The following CREB5 variants were observed in gnomAD, a reference collection of about 807,000 sequenced individuals.
CREB5 encodes cyclic AMP-responsive element-binding protein 5.
Under a neutral mutation model 57.1 loss-of-function variants are expected in CREB5, and 19 were observed. That is an observed-to-expected ratio of 0.33 (90% CI 0.23 to 0.49). CREB5 has a LOEUF of 0.49. CREB5 is among the 20% of genes least tolerant of loss of function. The probability of loss-of-function intolerance (pLI) is 0.99; values close to 1 mark genes in which losing one functional copy is unlikely to be tolerated. For missense variants in CREB5, 579 were observed against 671.6 expected, an observed-to-expected ratio of 0.86 and a Z score of 1.52; for synonymous variants, 238 against 238.3, an observed-to-expected ratio of 1.00 and a Z score of 0.01.
intron 9 of CREB5, among the ~76,000 whole-genome samples, chr7:28,814,705 C>T (rs552846098): frequency 6.6e-6 from 1 of 152,288 alleles, no homozygotes; most frequent in East Asian, 1.9e-4. Context: ...AGTAGTTCAA[C>T]CATCGTGTTT....
chr7:28,466,132 T>C (rs1281925699), intron 1 of CREB5, among the ~76,000 whole-genome samples: 1 of 151,698 alleles, frequency 6.6e-6, no homozygotes, highest in Non-Finnish European at 1.5e-5. Flanking sequence ...TAAGTACTTA[T>C]GTTTCTCTTG....
At position 28,560,903 on chromosome 7, in the gene CREB5, C is replaced by CGTGTGTGT. The variant is rs1477125869; in HGVS notation, c.292-9461_292-9460insTGTGTGTG. Among the ~76,000 whole-genome samples the CGTGTGTGT allele has an allele frequency of 6.9e-4, 18 of 26,152 alleles. No homozygotes were observed. In the South Asian group the frequency reaches 0.014, roughly 20 times the overall value. The allele number at this position is 26,152 out of a possible 152,430, so 17.2% of individuals were successfully genotyped here. On this transcript the variant is annotated intron_variant, in intron 4 of 10. Transcript: ENST00000357727. ...GCGTGCGTGCGTGTGTGTGCGTGCGCGCGTGCGTGTGCGTGTGTGCGCGTG... is the reference window on the plus strand; with the variant it reads ...GCGTGCGTGCGTGTGTGTGCGTGCGCGTGTGTGTGCGTGCGTGTGCGTGTGTGCGCGTG...
chr7:28,342,808 C>A (rs1248883268), intron 1 of CREB5, among the ~76,000 whole-genome samples: 1 of 152,090 alleles, frequency 6.6e-6, no homozygotes, highest in Non-Finnish European at 1.5e-5. Flanking sequence ...TGATATGGTA[C>A]AATGTGATGT....
rs1222009170 is a variant in CREB5 at position 28,392,210 on chromosome 7, A to G, written c.-25+92769A>G. 2.6e-5 allele frequency among the ~76,000 whole-genome samples: 4 copies of G among 152,290 alleles called. No individual in the cohort carries two copies. In the East Asian group the frequency reaches 5.8e-4, roughly 22 times the overall value. ...ATTTGGGTGATGAAATAGCTGTACA[A>G]CAAAACTCTGTGACATGAGTTTGTC... is the stretch of plus-strand genomic sequence containing the variant. On this transcript the variant is annotated intron_variant, in intron 1 of 9. Coordinates refer to the CREB5 transcript ENST00000396299.
chr7:28,747,654 G>A (rs758301875), intron 7 of CREB5, among the ~76,000 whole-genome samples: 2 of 152,146 alleles, frequency 1.3e-5, no homozygotes, highest in African/African-American at 4.8e-5. Flanking sequence ...CAGTCCCAGC[G>A]TGTTTTTTTT....
At chr7:28,504,196 AAAG>A (rs1261948189) in intron 3 of CREB5, among the ~76,000 whole-genome samples, 1 of 152,204 alleles carries the variant, frequency 6.6e-6, no homozygotes, top group Non-Finnish European at 1.5e-5. Context: ...GATGTTAAAA[AAAG>A]GGGACAGCTA....
intron 5 of CREB5, among the ~76,000 whole-genome samples, chr7:28,637,913 G>T (rs1425423254): frequency 7.2e-5 from 11 of 152,170 alleles, no homozygotes; most frequent in Admixed American, 7.2e-4. Flanking sequence ...GTATGGAAAT[G>T]AAAAGGAATT....
chr7:28,686,800 A>G (rs1379969964), intron 5 of CREB5, among the ~76,000 whole-genome samples: 1 of 152,234 alleles, frequency 6.6e-6, no homozygotes, highest in African/African-American at 2.4e-5. Flanking sequence ...AATTATTCAC[A>G]GACGCTCCTT....
Position 28,627,642 on chromosome 7 carries a change from C to T in CREB5, c.464+57105C>T, listed in dbSNP as rs192657333. On this transcript the variant is annotated intron_variant, in intron 5 of 10. Coordinates refer to ENST00000357727, the MANE Select transcript of CREB5 (RefSeq NM_182898.4). The stretch of plus-strand genomic sequence containing the variant: ...CTCTTGAAATGCAAAAAAGGGTTTT[C>T]GCCATGCAGTTATAGTCATTCACAG... Among the ~76,000 whole-genome samples the T allele has an allele frequency of 6.5e-4, 99 of 152,230 alleles. No homozygotes were observed. The Middle Eastern group carries it at 0.014, about 21-fold the overall frequency.
At position 28,503,688 on chromosome 7, in the gene CREB5, G is replaced by A. The variant is rs934002396; in HGVS notation, c.170-3928G>A. 3.3e-5 allele frequency among the ~76,000 whole-genome samples: 5 copies of A among 152,214 alleles called. No homozygotes were observed. The East Asian group carries it at 5.8e-4, about 18-fold the overall frequency. ...AGCCCAAGCCCCAAGCACGTTGAGC[G>A]ATGTTTTCTGTCTGCTCTTAAAAAA... On this transcript the variant is annotated intron_variant, in intron 3 of 10. Transcript: ENST00000357727.
chr7:28,405,840 C>T (rs184385553), intron 1 of CREB5, among the ~76,000 whole-genome samples: 1 of 152,166 alleles, frequency 6.6e-6, no homozygotes, highest in Non-Finnish European at 1.5e-5. Flanking sequence ...ACTAGAGTCA[C>T]TCAAAGGATG....
At chr7:28,766,201 A>G (rs557555867) in intron 7 of CREB5, among the ~76,000 whole-genome samples, 3 of 152,142 alleles carry the variant, frequency 2.0e-5, no homozygotes, top group Non-Finnish European at 4.4e-5. Flanking sequence ...TTTGTTATGC[A>G]CCATCTCTTT....
intron 5 of CREB5, among the ~76,000 whole-genome samples, chr7:28,697,139 G>C (rs773965047): frequency 6.6e-6 from 1 of 151,824 alleles, no homozygotes; most frequent in South Asian, 2.1e-4. Context: ...AACATTATTT[G>C]GATATCTGAT....
chr7:28,805,172 C>G (rs1188148327), intron 8 of CREB5, among the ~76,000 whole-genome samples: 1 of 152,100 alleles, frequency 6.6e-6, no homozygotes, highest in East Asian at 1.9e-4. Flanking sequence ...ATGATCAGAC[C>G]AAGAGAAAGG....
At chr7:28,544,984 G>T (rs1303232157) in intron 4 of CREB5, among the ~76,000 whole-genome samples, 1 of 152,180 alleles carries the variant, frequency 6.6e-6, no homozygotes, top group Non-Finnish European at 1.5e-5. Context: ...GGCAGGGTCA[G>T]CCCTTCTCCT....
At chr7:28,530,293 G>A (rs1339249473) in intron 4 of CREB5, among the ~76,000 whole-genome samples, 2 of 152,192 alleles carry the variant, frequency 1.3e-5, no homozygotes, top group Non-Finnish European at 2.9e-5. Flanking sequence ...GGAAGGTGTT[G>A]AAAGACATGC....
At chr7:28,626,600 C>G (rs1798004409) in intron 5 of CREB5, among the ~76,000 whole-genome samples, 1 of 152,200 alleles carries the variant, frequency 6.6e-6, no homozygotes, top group South Asian at 2.1e-4. Context: ...GTTGCCACTT[C>G]AAACCCTGGG....
At chr7:28,505,309 C>T (rs2128605532) in intron 3 of CREB5, among the ~76,000 whole-genome samples, 1 of 152,298 alleles carries the variant, frequency 6.6e-6, no homozygotes, top group Admixed American at 6.5e-5. Context: ...ACTCCTTTAT[C>T]TATATAGCCA....
chr7:28,598,453 G>A (rs769763720), intron 5 of CREB5, among the ~76,000 whole-genome samples: 1 of 152,118 alleles, frequency 6.6e-6, no homozygotes, highest in Non-Finnish European at 1.5e-5. Context: ...TGTGTGGTGG[G>A]GTGTTTTTAA....
Sources: gnomAD v4.1 joint callset for allele counts (sites outside exome capture counted in the v4.1 genomes callset) on GRCh38, gnomAD v4.1.1 for gene constraint, MANE v1.5 for transcripts, NCBI Gene and HGNC (gene_info 2026-07-23, HGNC 2026-07-21) for gene names.